The following VAPB variants were observed in gnomAD, a reference collection of about 807,000 sequenced individuals.
VAPB encodes the protein VAMP associated protein B and C.
In VAPB, 7 loss-of-function variants were observed where a neutral mutation model predicts 25.6. The ratio of observed to expected loss-of-function variants is 0.27; its 90% CI spans 0.16 to 0.51. VAPB has a LOEUF of 0.51. VAPB is among the 20% of genes least tolerant of loss of function. The probability of loss-of-function intolerance (pLI) is 0.97; values close to 1 mark genes in which losing one functional copy is unlikely to be tolerated. For synonymous variants in VAPB, 112 were observed against 109.2 expected, an observed-to-expected ratio of 1.03 and a Z score of -0.16; for missense variants, 266 against 301.3, an observed-to-expected ratio of 0.88 and a Z score of 0.87.
intron 3 of VAPB, among the ~76,000 whole-genome samples, chr20:58,438,236 T>A (rs1349057807): frequency 6.6e-6 from 1 of 152,138 alleles, no homozygotes; most frequent in Non-Finnish European, 1.5e-5. Flanking sequence ...CGCTTATACT[T>A]TCTAGATATG....
At chr20:58,394,921 T>C (rs1269352407) in intron 1 of VAPB, among the ~76,000 whole-genome samples, 1 of 152,256 alleles carries the variant, frequency 6.6e-6, no homozygotes, top group East Asian at 1.9e-4. Flanking sequence ...AGCTGAACTC[T>C]TAAACGTTAA....
chr20:58,401,255 A>C (rs1988089377), intron 1 of VAPB, among the ~76,000 whole-genome samples: 1 of 152,170 alleles, frequency 6.6e-6, no homozygotes, highest in African/African-American at 2.4e-5. Flanking sequence ...CTTGGCCATT[A>C]GTCATTTTCA....
rs770843388 is a variant in VAPB, at chr20:58,445,722, A to AT, written c.*1497dup. On this transcript the variant is annotated 3_prime_UTR_variant, in exon 6 of 6. Transcript: ENST00000475243. Reference sequence around the variant, plus strand: ...TGTGTGTGTGTGTGTGTGTGTGTGTATTTTTTTTTTGGTTGTCTTCAGCTG... The same window carrying AT: ...TGTGTGTGTGTGTGTGTGTGTGTGTATTTTTTTTTTTGGTTGTCTTCAGCTG... 4.2e-5 allele frequency: 16 copies of AT among 376,662 alleles called. No individual in the cohort carries two copies. Among genetic ancestry groups the AT allele is most frequent in the East Asian group, 1.6e-4 (2 of 12,284 alleles). The allele number at this position is 376,662 out of a possible 1,614,324, so 23.3% of individuals were successfully genotyped here. A position where few individuals can be genotyped will look rare whatever the true frequency, so the allele number is the denominator to read the frequency against.
chr20:58,398,683 C>T (rs899267302), intron 1 of VAPB, among the ~76,000 whole-genome samples: 5 of 152,110 alleles, frequency 3.3e-5, no homozygotes, highest in Admixed American at 6.5e-5. Context: ...TGTGACTTGG[C>T]GAGCTTACAC....
chr20:58,440,839 T>C (rs1989143052), intron 4 of VAPB, 68 bp from the exon 5 acceptor site: 1 of 1,500,876 alleles, frequency 6.7e-7, no homozygotes, highest in Non-Finnish European at 9.1e-7. Flanking sequence ...AGAACTACTT[T>C]ACTTTGCATA....
At chr20:58,438,438 T>G (rs1412237481) in intron 3 of VAPB, among the ~76,000 whole-genome samples, 1 of 152,014 alleles carries the variant, frequency 6.6e-6, no homozygotes, top group African/African-American at 2.4e-5. Context: ...CCTCCATGCT[T>G]AGCTAATTTT....
Position 58,425,872 on chromosome 20 carries a change from C to A in VAPB, c.211+7509C>A, listed in dbSNP as rs187585575. Among the ~76,000 whole-genome samples, 10 of 152,192 alleles carry A rather than the reference C, an allele frequency of 6.6e-5. No homozygotes were observed. In the East Asian group the frequency reaches 1.7e-3, roughly 26 times the overall value. On this transcript the variant is annotated intron_variant, in intron 2 of 5. Transcript: ENST00000475243. ...TTTGAGAACTTTTCCCTCCAGAATTCTTATTTAAATTTTATTATATTTATA... is the reference window on the plus strand; with the variant it reads ...TTTGAGAACTTTTCCCTCCAGAATTATTATTTAAATTTTATTATATTTATA...
rs531116812 is a variant in VAPB, at chr20:58,445,894, C to T, written c.*1659C>T. ...TAGTAACGGGCGTTCTGGGCACAGT[C>T]CCACTGTGCACAGGTTTGAGAGGAC... On this transcript the variant is annotated 3_prime_UTR_variant, in exon 6 of 6. Coordinates refer to ENST00000475243, the MANE Select transcript of VAPB (RefSeq NM_004738.5). 28 of 453,990 alleles carry T rather than the reference C, an allele frequency of 6.2e-5. No homozygotes were observed. Among genetic ancestry groups the T allele is most frequent in the South Asian group, 3.7e-4 (24 of 64,468 alleles). 28.1% of individuals were successfully genotyped at this position (453,990 alleles called of 1,614,324 possible). A position where few individuals can be genotyped will look rare whatever the true frequency, so the allele number is the denominator to read the frequency against.
Position 58,448,100 on chromosome 20 carries a change from C to T in VAPB, c.*3865C>T. 2.2e-6 allele frequency: 1 copy of T among 453,998 alleles called. No individual in the cohort carries two copies. The highest frequency in any genetic ancestry group is 4.4e-6 in the Non-Finnish European group (1 of 226,776). The allele number at this position is 453,998 out of a possible 1,614,324, so 28.1% of individuals were successfully genotyped here. A position where few individuals can be genotyped will look rare whatever the true frequency, so the allele number is the denominator to read the frequency against. On this transcript the variant is annotated 3_prime_UTR_variant, in exon 6 of 6. Transcript: ENST00000475243. ...CTGAGGAGACCTCTCTTAATTAACA[C>T]TTGGGGCCATGTTTGCTGTTGTTGA...
At chr20:58,423,177 C>T (rs1037470783) in intron 2 of VAPB, among the ~76,000 whole-genome samples, 3 of 151,802 alleles carry the variant, frequency 2.0e-5, no homozygotes, top group Non-Finnish European at 2.9e-5. Flanking sequence ...TTTGGGAGGC[C>T]GAGGCAGGCG....
At chr20:58,427,394 A>G (rs1568713705) in intron 2 of VAPB, among the ~76,000 whole-genome samples, 1 of 130,410 alleles carries the variant, frequency 7.7e-6, no homozygotes, top group Non-Finnish European at 1.7e-5. Context: ...TGTTACCATT[A>G]TGATGCAGGT....
intron 1 of VAPB, among the ~76,000 whole-genome samples, chr20:58,416,873 T>A (rs1462598295): frequency 1.3e-5 from 2 of 152,200 alleles, no homozygotes; most frequent in East Asian, 3.8e-4. Flanking sequence ...GGTGAATATG[T>A]AGATTGAGAT....
intron 2 of VAPB, chr20:58,431,646 C>T (rs1406661948): frequency 1.3e-5 from 2 of 151,878 alleles, no homozygotes; most frequent in East Asian, 3.9e-4. Context: ...TCATAGCTCT[C>T]TGCAGCCTCC....
rs772806929 is a variant in VAPB, at chr20:58,389,253, C to T, written c.-207C>T. On this transcript the variant is annotated 5_prime_UTR_variant, in exon 1 of 6. Coordinates refer to ENST00000475243, the MANE Select transcript of VAPB (RefSeq NM_004738.5). ...TGCGTGCCGTCAGCTCGCCGGGCAC[C>T]GCGGCCTCGCCCTCGCCCTCCGCCC... is the stretch of plus-strand genomic sequence containing the variant. 21 of 667,318 alleles carry T rather than the reference C, an allele frequency of 3.1e-5. No homozygotes were observed. Among genetic ancestry groups the T allele is most frequent in the South Asian group, 2.9e-4 (19 of 65,086 alleles). The allele number at this position is 667,318 out of a possible 1,614,324, so 41.3% of individuals were successfully genotyped here. A position where few individuals can be genotyped will look rare whatever the true frequency, so the allele number is the denominator to read the frequency against.
intron 1 of VAPB, among the ~76,000 whole-genome samples, chr20:58,413,551 AC>A (rs1434134303): frequency 6.6e-6 from 1 of 152,108 alleles, no homozygotes; most frequent in Non-Finnish European, 1.5e-5. Flanking sequence ...ACTTCTTTCT[AC>A]ACAGACATGG....
At chr20:58,402,369 CTT>C (rs1414741280) in intron 1 of VAPB, among the ~76,000 whole-genome samples, 2 of 152,128 alleles carry the variant, frequency 1.3e-5, no homozygotes, top group African/African-American at 4.8e-5. Context: ...TCCTTTTCCT[CTT>C]GTTTGTTTCA....
At chr20:58,433,816 G>A (rs1988980369) in intron 2 of VAPB, among the ~76,000 whole-genome samples, 2 of 152,202 alleles carry the variant, frequency 1.3e-5, no homozygotes, top group African/African-American at 4.8e-5. Context: ...ATGTGAAGTT[G>A]TCTCAGGGAA....
At position 58,397,920 on chromosome 20, in the gene VAPB, C is replaced by T. The variant is rs113953977; in HGVS notation, c.58+8403C>T. ...TTTGGGAAGTCGTCATTTTCCAAGACGATGATACGCCAGGCATACGAATTG... is the reference window on the plus strand; with the variant it reads ...TTTGGGAAGTCGTCATTTTCCAAGATGATGATACGCCAGGCATACGAATTG... On this transcript the variant is annotated intron_variant, in intron 1 of 5. Coordinates refer to ENST00000475243, the MANE Select transcript of VAPB (RefSeq NM_004738.5). Among the ~76,000 whole-genome samples the T allele has an allele frequency of 1.9e-3, 289 of 152,200 alleles. 1 individual carries two copies. Among genetic ancestry groups the T allele is most frequent in the African/African-American group, 6.7e-3 (280 of 41,528 alleles).
chr20:58,417,784 G>T (rs1393187354), intron 1 of VAPB, among the ~76,000 whole-genome samples: 1 of 152,168 alleles, frequency 6.6e-6, no homozygotes, highest in Non-Finnish European at 1.5e-5. Flanking sequence ...CGCTCTCCCT[G>T]TTAGATTTCA....
Sources: allele counts gnomAD v4.1 joint callset (sites outside exome capture counted in the v4.1 genomes callset), GRCh38; gene constraint gnomAD v4.1.1; transcripts MANE v1.5; gene names NCBI Gene and HGNC (gene_info 2026-07-23, HGNC 2026-07-21).